The following EML6 variants were observed in gnomAD, a reference collection of about 807,000 sequenced individuals.
EML6 encodes EMAP like 6.
EML6 carries 154 observed loss-of-function variants against 240.1 expected under a neutral mutation model. The ratio of observed to expected loss-of-function variants is 0.64; its 90% confidence interval spans 0.56 to 0.73. The LOEUF (loss-of-function observed/expected upper bound fraction) is 0.73. Ranked by LOEUF, EML6 falls within the 30% of genes least tolerant of loss-of-function variation. The pLI is 0.00. For missense variants in EML6, 2,964 were observed against 2,474.6 expected (o/e 1.20, Z -4.20); for synonymous variants, 1,148 against 899.0 (o/e 1.28, Z -4.95).
In EML6 at chr2:54,952,825, G is replaced by C. The variant is rs1676049067; in HGVS notation, c.4312+133G>C. 1.3e-5 allele frequency: 8 copies of C among 639,268 alleles called. No homozygotes were observed. In the South Asian group the frequency reaches 1.5e-4, roughly 12 times the overall value. 39.6% of individuals were successfully genotyped at this position (639,268 alleles called of 1,614,324 possible). A position where few individuals can be genotyped will look rare whatever the true frequency, so the allele number is the denominator to read the frequency against. ...GTTGATGTTGCTGTTGATTTTTTGAGTCCTGAGTGTATCTGTGTCACCTGC... is the reference window on the plus strand; with the variant it reads ...GTTGATGTTGCTGTTGATTTTTTGACTCCTGAGTGTATCTGTGTCACCTGC... On this transcript the variant is annotated intron_variant, in intron 31 of 41. Transcript: ENST00000356458.
chr2:54,757,441 C>G (rs1415686304), intron 2 of EML6, among the ~76,000 whole-genome samples: 1 of 152,132 alleles, frequency 6.6e-6, no homozygotes, highest in African/African-American at 2.4e-5. Context: ...GTCAGTTTCC[C>G]CAGAAAGGAA....
chr2:54,895,334 G>A lies in EML6; in HGVS notation c.2916G>A (p.Leu972=). The change falls in exon 21 of 42, where the codon CTG becomes CTA. Residue 972 remains leucine, a synonymous_variant. Coordinates refer to ENST00000356458, the MANE Select transcript of EML6 (RefSeq NM_001039753.4). ...RAITLGHGHI[L]VGTKNGEILE... ...TCACTTTGGGACATGGACATATCCT[G>A]GTGGGAACAAAAAATGGAGAGATTC... The A allele has an allele frequency of 1.3e-6, 2 of 1,551,844 alleles. No homozygotes were observed. The highest frequency in any genetic ancestry group is 1.7e-6 in the Non-Finnish European group (2 of 1,146,932).
chr2:54,842,780 C>T (rs1166899804), intron 7 of EML6, among the ~76,000 whole-genome samples: 3 of 152,158 alleles, frequency 2.0e-5, no homozygotes, highest in African/African-American at 7.2e-5. Flanking sequence ...TGAGGACCTG[C>T]CTAGGGAGGA....
intron 2 of EML6, among the ~76,000 whole-genome samples, chr2:54,769,454 C>A (rs919157754): frequency 1.3e-4 from 20 of 152,196 alleles, no homozygotes; most frequent in African/African-American, 4.3e-4. Flanking sequence ...AAAAGTAATA[C>A]ATGCTCACTG....
intron 28 of EML6, among the ~76,000 whole-genome samples, chr2:54,937,261 A>G (rs1675186378): frequency 1.4e-5 from 2 of 145,852 alleles, no homozygotes; most frequent in South Asian, 4.4e-4. Context: ...CTGGGCAACA[A>G]GAGCGAAACT....
intron 26 of EML6, among the ~76,000 whole-genome samples, chr2:54,922,417 G>A (rs1408546326): frequency 6.6e-6 from 1 of 152,034 alleles, no homozygotes; most frequent in African/African-American, 2.4e-5. Flanking sequence ...TAAAGGAAGG[G>A]AACCCTTGTA....
At chr2:54,952,988 T>A (rs1676056804) in intron 31 of EML6, among the ~76,000 whole-genome samples, 1 of 152,170 alleles carries the variant, frequency 6.6e-6, no homozygotes, top group African/African-American at 2.4e-5. Context: ...GAACTCCGTG[T>A]CTTTTGAAGC....
At chr2:54,913,763 T>A (rs1673763796) in intron 25 of EML6, among the ~76,000 whole-genome samples, 1 of 152,174 alleles carries the variant, frequency 6.6e-6, no homozygotes, top group Admixed American at 6.5e-5. Flanking sequence ...ATTTCCTAGG[T>A]TTTCTTCTAG....
intron 24 of EML6, among the ~76,000 whole-genome samples, chr2:54,906,107 T>G (rs746942270): frequency 6.6e-6 from 1 of 152,202 alleles, no homozygotes; most frequent in Admixed American, 6.5e-5. Context: ...TACTATACTG[T>G]TTTCCATAGC....
chr2:54,913,846 G>T (rs1253127450), intron 25 of EML6, among the ~76,000 whole-genome samples: 1 of 152,138 alleles, frequency 6.6e-6, no homozygotes, highest in Non-Finnish European at 1.5e-5. Flanking sequence ...ATGGTGAAAT[G>T]TAGGGGTCCA....
At chr2:54,781,055 A>T (rs1489793124) in intron 2 of EML6, among the ~76,000 whole-genome samples, 4 of 152,242 alleles carry the variant, frequency 2.6e-5, no homozygotes, top group Non-Finnish European at 5.9e-5. Context: ...AGTAAAAATA[A>T]CAATTTACCT....
intron 2 of EML6, among the ~76,000 whole-genome samples, chr2:54,727,254 G>C (rs1682952544): frequency 7.2e-6 from 1 of 138,078 alleles, no homozygotes; most frequent in Non-Finnish European, 1.5e-5. Context: ...CCTGATTTCA[G>C]AGGAAGGACT....
intron 28 of EML6, among the ~76,000 whole-genome samples, chr2:54,940,982 C>G (rs10166518): frequency 6.6e-6 from 1 of 152,042 alleles, no homozygotes; most frequent in African/African-American, 2.4e-5. Context: ...TAAGTGACTA[C>G]GAGAAAACGG....
At chr2:54,766,417 G>A (rs1668190212) in intron 2 of EML6, among the ~76,000 whole-genome samples, 1 of 152,082 alleles carries the variant, frequency 6.6e-6, no homozygotes, top group South Asian at 2.1e-4. Flanking sequence ...TTATTTTATA[G>A]AATGACCGTC....
chr2:54,939,766 G>C (rs1294364618), intron 28 of EML6, among the ~76,000 whole-genome samples: 1 of 152,104 alleles, frequency 6.6e-6, no homozygotes, highest in African/African-American at 2.4e-5. Flanking sequence ...ATGAGATTTG[G>C]GCATCCCATA....
Position 54,765,610 on chromosome 2 carries a change from G to A in EML6, c.197+40352G>A, listed in dbSNP as rs182322749. Among the ~76,000 whole-genome samples the A allele has an allele frequency of 8.7e-4, 132 of 152,158 alleles. 2 individuals carry two copies. In the South Asian group the frequency reaches 0.011, roughly 12 times the overall value. On this transcript the variant is annotated intron_variant, in intron 2 of 41. Coordinates refer to ENST00000356458, the MANE Select transcript of EML6 (RefSeq NM_001039753.4). ...CTAGTAGGTGGGACTACAGGCACCCGCCCTATGTCCGGCTAAGTTTTCTGT... is the reference window on the plus strand; with the variant it reads ...CTAGTAGGTGGGACTACAGGCACCCACCCTATGTCCGGCTAAGTTTTCTGT...
intron 22 of EML6, among the ~76,000 whole-genome samples, chr2:54,902,524 G>A (rs908504842): frequency 2.6e-5 from 4 of 152,114 alleles, no homozygotes; most frequent in Non-Finnish European, 4.4e-5. Flanking sequence ...CTTGCCTCCT[G>A]AGTAGTTGGA....
intron 25 of EML6, among the ~76,000 whole-genome samples, chr2:54,915,810 T>C (rs756268622): frequency 2.0e-5 from 3 of 152,112 alleles, no homozygotes; most frequent in Admixed American, 6.5e-5. Flanking sequence ...GGGCTTTAAT[T>C]TTAGCTACAG....
intron 2 of EML6, among the ~76,000 whole-genome samples, chr2:54,746,909 G>T (rs1007426856): frequency 6.6e-6 from 1 of 152,200 alleles, no homozygotes; most frequent in African/African-American, 2.4e-5. Context: ...CCACATCAAG[G>T]AAGCAGTCAC....
Sources: allele counts gnomAD v4.1 joint callset (sites outside exome capture counted in the v4.1 genomes callset), GRCh38; gene constraint gnomAD v4.1.1; transcripts MANE v1.5; gene names NCBI Gene and HGNC (gene_info 2026-07-23, HGNC 2026-07-21).